Variants in PIEZO1 observed in about 807,000 individuals in gnomAD.
PIEZO1 encodes the protein piezo type mechanosensitive ion channel component 1 (Er blood group), also known as piezo-type mechanosensitive ion channel component 1.
A neutral mutation model predicts 297.2 loss-of-function variants in PIEZO1; 296 were observed. That is an observed-to-expected ratio of 1.00 (90% CI 0.91 to 1.10). The LOEUF (loss-of-function observed/expected upper bound fraction) is 1.10. PIEZO1 is among the 50% of genes least tolerant of loss of function. The pLI is 0.00. For synonymous variants in PIEZO1, 2,427 were observed against 1,507.5 expected (o/e 1.61, Z -14.13); for missense variants, 5,018 against 3,455.5 (o/e 1.45, Z -11.34).
Position 88,720,240 on chromosome 16 carries a change from T to C in PIEZO1, c.5993A>G (p.Asp1998Gly), listed in dbSNP as rs1912332918. The C allele has an allele frequency of 6.4e-7, 1 of 1,550,502 alleles. No homozygotes were observed. The highest frequency in any genetic ancestry group is 8.7e-7 in the Non-Finnish European group (1 of 1,146,976). The change falls in exon 42 of 51, where the codon GAC becomes GGC. Residue 1998 changes from aspartate (D) to glycine (G), a missense_variant. Physicochemically the swap from Asp to Gly is moderately conservative, Grantham distance 94. Transcript: ENST00000301015. ...ATDITSSLSDDQVPEAFLVML... is the reference protein window; with the variant it reads ...ATDITSSLSDGQVPEAFLVML... The stretch of plus-strand genomic sequence containing the variant: ...GACCAGGAAAGCCTCGGGTACCTGG[T>C]CGTCTGATAGGGAGGACGTGATGTC...
At chr16:88,746,950 C>T (rs1263046711) in intron 2 of PIEZO1, among the ~76,000 whole-genome samples, 1 of 152,228 alleles carries the variant, frequency 6.6e-6, no homozygotes, top group African/African-American at 2.4e-5. Context: ...GGGTGCCCAC[C>T]CACCCCAGCC....
intron 31 of PIEZO1, 60 bp from the exon 32 acceptor site, chr16:88,723,388 G>T: frequency 6.5e-7 from 1 of 1,526,924 alleles, no homozygotes. Flanking sequence ...CAGGCGGGAA[G>T]CTGGGGTTGG....
intron 5 of PIEZO1, chr16:88,740,172 T>G (rs544903530): frequency 9.2e-5 from 14 of 152,320 alleles, no homozygotes; most frequent in African/African-American, 3.1e-4. Flanking sequence ...CAAACACGTG[T>G]GTGTGTTGCC....
In PIEZO1 at chr16:88,757,324, G is replaced by GC. The variant is rs1415820039; in HGVS notation, c.65-7846_65-7845insG. Among the ~76,000 whole-genome samples, 40 of 98,494 alleles carry GC rather than the reference G, an allele frequency of 4.1e-4. 3 individuals are homozygous for GC. Among genetic ancestry groups the GC allele is most frequent in the African/African-American group, 3.4e-4 (10 of 29,308 alleles). 64.6% of individuals were successfully genotyped at this position (98,494 alleles called of 152,430 possible). A position where few individuals can be genotyped will look rare whatever the true frequency, so the allele number is the denominator to read the frequency against. On this transcript the variant is annotated intron_variant, in intron 1 of 50. Transcript: ENST00000301015. ...TATGCAGGGGGCGTTGCTGGCGGGG[G>GC]GGTGGGGGGTAGTTACCTAACCTGC...
chr16:88,745,917 G>C (rs1490471040), intron 2 of PIEZO1, among the ~76,000 whole-genome samples: 5 of 152,168 alleles, frequency 3.3e-5, no homozygotes, highest in Non-Finnish European at 7.3e-5. Flanking sequence ...GCCTGCAAAG[G>C]CTGAGGGGCC....
In PIEZO1 at chr16:88,719,606, A is replaced by T; in HGVS notation, c.6439T>A (p.Phe2147Ile). 5 of 1,551,684 alleles carry T rather than the reference A, an allele frequency of 3.2e-6. No individual in the cohort carries two copies. Among genetic ancestry groups the T allele is most frequent in the Non-Finnish European group, 4.4e-6 (5 of 1,147,526 alleles). ...MCVEDIYANI[F>I]IIKCSRETEK... is the part of the protein sequence containing the mutation. ...GTCTCTCGGCTGCATTTGATGATGA[A>T]GATGTTGGCATAGATGTCCTCCACA... The change falls in exon 44 of 51, where the codon TTC becomes ATC. Residue 2147 changes from phenylalanine (F) to isoleucine (I), a missense_variant. By Grantham distance (21) the Phe-to-Ile change is conservative (BLOSUM62 0). Transcript: ENST00000301015.
chr16:88,778,848 C>T (rs528495824), intron 1 of PIEZO1, among the ~76,000 whole-genome samples: 1 of 152,294 alleles, frequency 6.6e-6, no homozygotes, highest in East Asian at 1.9e-4. Context: ...CATCCAGCAG[C>T]CGCCGAGGCA....
In PIEZO1 at chr16:88,753,780, A is replaced by G. The variant is rs117183185; in HGVS notation, c.65-4301T>C. On this transcript the variant is annotated intron_variant, in intron 1 of 50. Coordinates refer to ENST00000301015, the MANE Select transcript of PIEZO1 (RefSeq NM_001142864.4). Reference sequence around the variant, plus strand: ...AGCTGTGACTTTGTGGGCTAAAGCCAGAGGGGGAGACTTCAGAGCAGGCTG... The same window carrying G: ...AGCTGTGACTTTGTGGGCTAAAGCCGGAGGGGGAGACTTCAGAGCAGGCTG... 5.1e-3 allele frequency among the ~76,000 whole-genome samples: 776 copies of G among 152,350 alleles called. 21 individuals are homozygous for G. The East Asian group carries it at 0.085, about 17-fold the overall frequency.
intron 11 of PIEZO1, 62 bp downstream of exon 11, chr16:88,736,577 G>C: frequency 7.1e-7 from 1 of 1,409,824 alleles, no homozygotes; most frequent in East Asian, 2.5e-5. Context: ...ACCCCACCCA[G>C]GCGATGCCCC....
chr16:88,751,607 G>A (rs1323052102), intron 1 of PIEZO1, among the ~76,000 whole-genome samples: 2 of 151,884 alleles, frequency 1.3e-5, no homozygotes, highest in African/African-American at 2.4e-5. Context: ...TCCCATTAAC[G>A]CACCAAGCAT....
At chr16:88,721,505 A>G in intron 38 of PIEZO1, 33 bp downstream of exon 38, 1 of 1,540,244 alleles carries the variant, frequency 6.5e-7, no homozygotes, top group Non-Finnish European at 8.8e-7. Context: ...GGGCCTGCCC[A>G]GCCCCGCATT....
In PIEZO1 at chr16:88,726,727, C is replaced by G. The variant is rs942174659; in HGVS notation, c.3687G>C (p.Lys1229Asn). Residue 1229 changes from lysine (K) to asparagine (N), a missense_variant, in exon 25 of 51, where the codon AAG becomes AAC. Lys to Asn is a moderately conservative substitution (Grantham distance 94). Transcript: ENST00000301015. ...GCCGGAGGCTCACCGACAGCATGTTCTTGGAGATGATGACGGTGACGTTGT... is the reference window on the plus strand; with the variant it reads ...GCCGGAGGCTCACCGACAGCATGTTGTTGGAGATGATGACGGTGACGTTGT... ...ILYNVTVIIS[K>N]NMLSLLACVF... is the part of the protein sequence containing the mutation. 2.6e-6 allele frequency: 4 copies of G among 1,549,780 alleles called. No homozygotes were observed. Among genetic ancestry groups the G allele is most frequent in the African/African-American group, 2.7e-5 (2 of 73,024 alleles).
Position 88,719,591 on chromosome 16 carries a change from T to C in PIEZO1, c.6454A>G (p.Ser2152Gly), listed in dbSNP as rs1912281744. The C allele has an allele frequency of 1.3e-6, 2 of 1,550,936 alleles. No homozygotes were observed. Among genetic ancestry groups the C allele is most frequent in the African/African-American group, 1.4e-5 (1 of 73,078 alleles). Residue 2152 changes from serine (S) to glycine (G), a missense_variant, in exon 44 of 51, where the codon AGC (serine) becomes GGC (glycine). By Grantham distance (56) the Ser-to-Gly change is moderately conservative. Coordinates refer to ENST00000301015, the MANE Select transcript of PIEZO1 (RefSeq NM_001142864.4). ...IYANIFIIKC[S>G]RETEKKYPQP... The stretch of plus-strand genomic sequence containing the variant: ...CCAGGCACCTTCTCTGTCTCTCGGC[T>C]GCATTTGATGATGAAGATGTTGGCA...
Position 88,722,675 on chromosome 16 carries a change from G to A in PIEZO1, c.4683C>T (p.His1561=). 2 of 1,537,688 alleles carry A rather than the reference G, an allele frequency of 1.3e-6. No homozygotes were observed. The highest frequency in any genetic ancestry group is 8.7e-7 in the Non-Finnish European group (1 of 1,146,412). ...TQELLQGGEV[H]RGVLDQLYTS... ...TGTACAGCTGATCCAGCACGCCCCTGTGCACTTCGCCGCCCTGCAGGGCAC... is the reference window on the plus strand; with the variant it reads ...TGTACAGCTGATCCAGCACGCCCCTATGCACTTCGCCGCCCTGCAGGGCAC... Residue 1561 remains histidine (H), a synonymous_variant, in exon 35 of 51, where the codon CAC becomes CAT. Coordinates refer to ENST00000301015, the MANE Select transcript of PIEZO1 (RefSeq NM_001142864.4).
chr16:88,782,703 C>T (rs1326224219), intron 1 of PIEZO1, among the ~76,000 whole-genome samples: 5 of 152,308 alleles, frequency 3.3e-5, no homozygotes, highest in Admixed American at 6.5e-5. Flanking sequence ...AGCCAAAGCT[C>T]GCCAGAGAGG....
chr16:88,749,048 T>G (rs142517999), intron 2 of PIEZO1, among the ~76,000 whole-genome samples: 26 of 149,564 alleles, frequency 1.7e-4, no homozygotes, highest in Non-Finnish European at 2.4e-4. Context: ...CCATCCTGGC[T>G]ATCACGGTGA....
intron 2 of PIEZO1, among the ~76,000 whole-genome samples, chr16:88,746,516 C>G (rs780702544): frequency 5.3e-5 from 8 of 152,200 alleles, no homozygotes; most frequent in Non-Finnish European, 1.2e-4. Flanking sequence ...CTCCAGCCCC[C>G]CAAGGATCAG....
At chr16:88,771,580 G>A (rs1480605539) in intron 1 of PIEZO1, among the ~76,000 whole-genome samples, 1 of 152,226 alleles carries the variant, frequency 6.6e-6, no homozygotes, top group African/African-American at 2.4e-5. Context: ...CTCGACAAGT[G>A]CCCTATGACA....
intron 1 of PIEZO1, among the ~76,000 whole-genome samples, chr16:88,784,250 C>G (rs1330314704): frequency 6.6e-6 from 1 of 152,236 alleles, no homozygotes; most frequent in Non-Finnish European, 1.5e-5. Context: ...AGGGCAGAGG[C>G]CGGCCCCCGC....
Sources: gnomAD v4.1 joint callset for allele counts (sites outside exome capture counted in the v4.1 genomes callset) on GRCh38, gnomAD v4.1.1 for gene constraint, MANE v1.5 for transcripts, NCBI Gene and HGNC (gene_info 2026-07-23, HGNC 2026-07-21) for gene names.